The following MEGF11 variants were observed in gnomAD, a reference collection of about 807,000 sequenced individuals.
MEGF11 encodes multiple EGF like domains 11.
A neutral mutation model predicts 146.6 loss-of-function variants in MEGF11; 126 were observed. The ratio of observed to expected loss-of-function variants is 0.86; its 90% confidence interval spans 0.74 to 1.00. MEGF11 has a LOEUF of 1.00. Ranked by LOEUF, MEGF11 falls within the 50% of genes least tolerant of loss-of-function variation. MEGF11 has a pLI of 0.00. For synonymous variants in MEGF11, 532 were observed against 583.4 expected (o/e 0.91, Z 1.27); for missense variants, 1,509 against 1,521.2 (o/e 0.99, Z 0.13).
At chr15:65,948,145 T>C (rs547552859) in intron 10 of MEGF11, among the ~76,000 whole-genome samples, 1 of 145,996 alleles carries the variant, frequency 6.8e-6, no homozygotes, top group Non-Finnish European at 1.5e-5. Context: ...CATCCCTCCC[T>C]GCCCAGGGAA....
chr15:66,232,452 C>T (rs1167916035), intron 1 of MEGF11, among the ~76,000 whole-genome samples: 1 of 152,144 alleles, frequency 6.6e-6, no homozygotes, highest in Admixed American at 6.5e-5. Context: ...TCTGGACAGC[C>T]TTGTGCCATC....
chr15:65,900,493 C>A (rs1254207121), intron 24 of MEGF11, among the ~76,000 whole-genome samples: 1 of 152,186 alleles, frequency 6.6e-6, no homozygotes, highest in Non-Finnish European at 1.5e-5. Flanking sequence ...AAGTAGATGT[C>A]CATTCTGTTG....
At chr15:66,099,332 G>A (rs927658862) in intron 4 of MEGF11, among the ~76,000 whole-genome samples, 32 of 150,972 alleles carry the variant, frequency 2.1e-4, no homozygotes, top group African/African-American at 5.6e-4. Flanking sequence ...ACAGGCACGC[G>A]CCACCAAGCC....
At chr15:66,024,608 G>A (rs1490058982) in intron 5 of MEGF11, among the ~76,000 whole-genome samples, 2 of 152,236 alleles carry the variant, frequency 1.3e-5, no homozygotes, top group Non-Finnish European at 2.9e-5. Context: ...CTGTCAGGCT[G>A]GTGGTGTTGC....
chr15:65,995,426 G>A (rs1444536880), intron 5 of MEGF11, among the ~76,000 whole-genome samples: 1 of 152,218 alleles, frequency 6.6e-6, no homozygotes, highest in African/African-American at 2.4e-5. Context: ...TCAATGAGAG[G>A]AACCCTCCAA....
chr15:66,159,938 C>A (rs541835279), intron 1 of MEGF11, among the ~76,000 whole-genome samples: 169 of 152,200 alleles, frequency 1.1e-3, no homozygotes, highest in African/African-American at 3.7e-3. Context: ...TCTTCTAGAT[C>A]AGGAAAAGGC....
intron 1 of MEGF11, among the ~76,000 whole-genome samples, chr15:66,159,908 T>C (rs1477798): frequency 0.74 from 112,709 of 151,898 alleles, 41,896 homozygotes; most frequent in East Asian, 0.86. Context: ...GTGGACAAGG[T>C]GAGTTGGAGT....
At chr15:66,102,108 G>T (rs2086834729) in intron 4 of MEGF11, among the ~76,000 whole-genome samples, 1 of 151,098 alleles carries the variant, frequency 6.6e-6, no homozygotes, top group Non-Finnish European at 1.5e-5. Flanking sequence ...CCTGATAAAA[G>T]CTCCAGCATT....
intron 4 of MEGF11, among the ~76,000 whole-genome samples, chr15:66,109,945 G>A (rs1452347085): frequency 6.6e-6 from 1 of 152,198 alleles, no homozygotes; most frequent in Non-Finnish European, 1.5e-5. Context: ...CTCTGCCTCA[G>A]GAACTCACTT....
At chr15:65,950,917 G>A (rs2080380690) in intron 10 of MEGF11, among the ~76,000 whole-genome samples, 1 of 152,216 alleles carries the variant, frequency 6.6e-6, no homozygotes. Context: ...AAGGCCTCTT[G>A]GGAAATGCCA....
chr15:66,134,529 A>C (rs948153678), intron 1 of MEGF11, among the ~76,000 whole-genome samples: 8 of 151,768 alleles, frequency 5.3e-5, no homozygotes, highest in Non-Finnish European at 7.4e-5. Context: ...TCCCAGGGCT[A>C]TGGAGTTCTC....
At chr15:65,928,151 C>T (rs187113604) in intron 13 of MEGF11, among the ~76,000 whole-genome samples, 2 of 152,170 alleles carry the variant, frequency 1.3e-5, no homozygotes, top group African/African-American at 4.8e-5. Context: ...CCATCATATT[C>T]TCTAGATTGA....
At chr15:66,172,287 C>A (rs1478350878) in intron 1 of MEGF11, among the ~76,000 whole-genome samples, 1 of 152,226 alleles carries the variant, frequency 6.6e-6, no homozygotes, top group African/African-American at 2.4e-5. Context: ...ACCCTGCCTC[C>A]CTCCAGGAGC....
intron 1 of MEGF11, among the ~76,000 whole-genome samples, chr15:66,240,335 C>T (rs2092185228): frequency 6.6e-6 from 1 of 152,236 alleles, no homozygotes; most frequent in Non-Finnish European, 1.5e-5. Flanking sequence ...CCTGCTTCCC[C>T]AGCTGCCTTT....
At chr15:66,039,419 A>G (rs1287081693) in intron 5 of MEGF11, among the ~76,000 whole-genome samples, 4 of 152,186 alleles carry the variant, frequency 2.6e-5, no homozygotes, top group African/African-American at 9.7e-5. Flanking sequence ...CTACGGGAAG[A>G]GGGAAGAGAG....
intron 9 of MEGF11, among the ~76,000 whole-genome samples, chr15:65,962,096 C>T (rs1226958250): frequency 6.6e-6 from 1 of 152,212 alleles, no homozygotes; most frequent in Non-Finnish European, 1.5e-5. Flanking sequence ...CCAATCCCCA[C>T]TCAGTACCTG....
At chr15:66,015,116 A>G (rs145886972) in intron 5 of MEGF11, among the ~76,000 whole-genome samples, 1 of 152,340 alleles carries the variant, frequency 6.6e-6, no homozygotes, top group East Asian at 1.9e-4. Context: ...CTAGTGCAAG[A>G]CAGCACCACA....
intron 13 of MEGF11, among the ~76,000 whole-genome samples, chr15:65,923,655 G>T (rs1186994795): frequency 1.3e-5 from 2 of 152,158 alleles, no homozygotes; most frequent in Non-Finnish European, 2.9e-5. Flanking sequence ...TGATGTATTC[G>T]ATTTCAGCTT....
intron 1 of MEGF11, among the ~76,000 whole-genome samples, chr15:66,188,122 C>A (rs2090762487): frequency 6.6e-6 from 1 of 151,766 alleles, no homozygotes; most frequent in South Asian, 2.1e-4. Context: ...GTAGTAACAC[C>A]CCCCCATGCC....
Sources: gnomAD v4.1 joint callset for allele counts (sites outside exome capture counted in the v4.1 genomes callset) on GRCh38, gnomAD v4.1.1 for gene constraint, MANE v1.5 for transcripts, NCBI Gene and HGNC (gene_info 2026-07-23, HGNC 2026-07-21) for gene names.